The following GTF2B variants were observed in gnomAD, a reference collection of about 807,000 sequenced individuals.
GTF2B encodes general transcription factor IIB.
GTF2B carries 20 observed loss-of-function variants against 34.6 expected under a neutral mutation model. The observed-to-expected ratio is 0.58, with a 90% CI of 0.41 to 0.84. The LOEUF is 0.84. Ranked by LOEUF, GTF2B falls within the 40% of genes least tolerant of loss-of-function variation. The pLI is 0.00. For missense variants in GTF2B, 237 were observed against 393.3 expected (o/e 0.60, Z 3.36); for synonymous variants, 142 against 132.4 (o/e 1.07, Z -0.50).
At chr1:88,877,345 C>T (rs961475689) in intron 2 of GTF2B, among the ~76,000 whole-genome samples, 15 of 152,076 alleles carry the variant, frequency 9.9e-5, no homozygotes, top group Non-Finnish European at 7.4e-5. Context: ...AAATGGTACA[C>T]AAAAAAGTGG....
chr1:88,860,108 G>C, intron 4 of GTF2B, 32 bp downstream of exon 4: 9 of 1,612,558 alleles, frequency 5.6e-6, no homozygotes, highest in Non-Finnish European at 7.6e-6. Flanking sequence ...GTCAATGCCA[G>C]AATGGCTTAA....
At chr1:88,884,158 G>A (rs1011252105) in intron 2 of GTF2B, among the ~76,000 whole-genome samples, 3 of 151,438 alleles carry the variant, frequency 2.0e-5, no homozygotes, top group East Asian at 1.9e-4. Context: ...TCCCGAGTAA[G>A]CTGGGATTAC....
At chr1:88,857,681 T>C (rs1446792610) in intron 5 of GTF2B, among the ~76,000 whole-genome samples, 194 bp from the exon 6 acceptor site, 2 of 151,060 alleles carry the variant, frequency 1.3e-5, no homozygotes, top group Non-Finnish European at 2.9e-5. Flanking sequence ...AACTTTAATG[T>C]TCATCACACC....
At chr1:88,886,520 A>G (rs1246851560) in intron 2 of GTF2B, among the ~76,000 whole-genome samples, 1 of 152,236 alleles carries the variant, frequency 6.6e-6, no homozygotes, top group Non-Finnish European at 1.5e-5. Context: ...AAGTTATAAT[A>G]AATCTTCTTT....
chr1:88,882,337 A>AAAAAAAAAAAAAAC (rs1557661028), intron 2 of GTF2B, among the ~76,000 whole-genome samples: 1 of 143,644 alleles, frequency 7.0e-6, no homozygotes, highest in African/African-American at 2.6e-5. Flanking sequence ...AAAAAAAAAA[A>AAAAAAAAAAAAAAC]CGCTACAGAG....
chr1:88,888,498 T>A (rs1002227992), intron 1 of GTF2B, among the ~76,000 whole-genome samples: 42 of 152,052 alleles, frequency 2.8e-4, no homozygotes, highest in Admixed American at 1.2e-3. Flanking sequence ...TTATGACAAA[T>A]AAAATTAAAC....
chr1:88,881,008 C>T (rs1290538449), intron 2 of GTF2B, among the ~76,000 whole-genome samples: 1 of 92,788 alleles, frequency 1.1e-5, no homozygotes, highest in Non-Finnish European at 2.2e-5. Context: ...GATGCTGTCT[C>T]AAAAAAAAAA....
At chr1:88,875,199 AAGTCTCTAAATCACC>A (rs1239337912) in intron 2 of GTF2B, among the ~76,000 whole-genome samples, 2 of 152,224 alleles carry the variant, frequency 1.3e-5, no homozygotes, top group Non-Finnish European at 2.9e-5. Flanking sequence ...ATAATACAGC[AAGTCTCTAAATCACC>A]AGTCTCTAAA....
intron 3 of GTF2B, 77 bp from the exon 4 acceptor site, chr1:88,860,363 T>C (rs1014894808): frequency 1.0e-6 from 1 of 998,300 alleles, no homozygotes; most frequent in Non-Finnish European, 1.5e-6. Context: ...AAAATATAGC[T>C]TACAAGATCT....
At chr1:88,863,153 T>C (rs963421621) in intron 3 of GTF2B, among the ~76,000 whole-genome samples, 19 of 152,152 alleles carry the variant, frequency 1.2e-4, no homozygotes, top group African/African-American at 4.1e-4. Flanking sequence ...GAGCACACAG[T>C]ATACAATACA....
intron 2 of GTF2B, among the ~76,000 whole-genome samples, chr1:88,870,468 C>T (rs1673665560): frequency 6.6e-6 from 1 of 152,198 alleles, no homozygotes; most frequent in South Asian, 2.1e-4. Context: ...CAAGGGAATA[C>T]TCTTTCCTCA....
intron 3 of GTF2B, among the ~76,000 whole-genome samples, chr1:88,863,081 G>C (rs998385249): frequency 2.0e-5 from 3 of 152,028 alleles, no homozygotes; most frequent in African/African-American, 7.3e-5. Context: ...AACAGAGTGA[G>C]AATCAGGCTG....
intron 2 of GTF2B, among the ~76,000 whole-genome samples, chr1:88,882,884 T>C (rs1335097697): frequency 6.6e-6 from 1 of 152,236 alleles, no homozygotes; most frequent in Non-Finnish European, 1.5e-5. Flanking sequence ...AACTGAAGGT[T>C]AGATGGAACC....
chr1:88,878,966 C>T (rs7554456), intron 2 of GTF2B, among the ~76,000 whole-genome samples: 41,309 of 152,040 alleles, frequency 0.27, 6,846 homozygotes, highest in Non-Finnish European at 0.37. Flanking sequence ...GTGCCAACTG[C>T]CCAGATAAAT....
intron 1 of GTF2B, among the ~76,000 whole-genome samples, chr1:88,890,768 T>C (rs1291024497): frequency 6.6e-6 from 1 of 152,156 alleles, no homozygotes; most frequent in Admixed American, 6.5e-5. Flanking sequence ...ACTGCATGCA[T>C]TTCCTGTAGA....
chr1:88,891,375 C>T (rs1432170105), intron 1 of GTF2B, 108 bp downstream of exon 1: 1 of 778,400 alleles, frequency 1.3e-6, no homozygotes, highest in Non-Finnish European at 2.1e-6. Context: ...CCGCTTCTCT[C>T]CCATACCCCT....
chr1:88,855,009 A>G (rs1446262964), intron 6 of GTF2B, among the ~76,000 whole-genome samples: 6 of 152,256 alleles, frequency 3.9e-5, no homozygotes. Context: ...GGGAAGAGAA[A>G]GACCTTACAT....
chr1:88,879,946 C>T (rs1017534354), intron 2 of GTF2B, among the ~76,000 whole-genome samples: 1 of 151,774 alleles, frequency 6.6e-6, no homozygotes, highest in Non-Finnish European at 1.5e-5. Context: ...TAAATCCCTG[C>T]TACTCCGGAG....
intron 2 of GTF2B, among the ~76,000 whole-genome samples, chr1:88,868,257 A>G (rs1673602728): frequency 6.6e-6 from 1 of 152,256 alleles, no homozygotes; most frequent in South Asian, 2.1e-4. Flanking sequence ...CAGCCAGCCA[A>G]TTAGCAAATA....
Sources: allele counts gnomAD v4.1 joint callset (sites outside exome capture counted in the v4.1 genomes callset), GRCh38; gene constraint gnomAD v4.1.1; transcripts MANE v1.5; gene names NCBI Gene and HGNC (gene_info 2026-07-23, HGNC 2026-07-21).